CNTNAP5: variants seen among roughly 807,000 people sequenced by gnomAD.
The protein encoded by CNTNAP5 is contactin-associated protein-like 5.
In CNTNAP5, 72 loss-of-function variants were observed where a neutral mutation model predicts 150.2. The observed-to-expected ratio is 0.48, with a 90% confidence interval of 0.40 to 0.58. The LOEUF (loss-of-function observed/expected upper bound fraction) is 0.58, where lower values mean the gene tolerates loss of function less well. Among genes scored for constraint, CNTNAP5 ranks in the 20% least tolerant of loss-of-function variants. CNTNAP5 has a pLI of 0.00. For synonymous variants in CNTNAP5, 672 were observed against 619.8 expected (o/e 1.08, Z -1.25); for missense variants, 1,636 against 1,626.2 (o/e 1.01, Z -0.10).
intron 1 of CNTNAP5, among the ~76,000 whole-genome samples, chr2:124,116,838 C>A (rs1683441478): frequency 6.6e-6 from 1 of 152,184 alleles, no homozygotes; most frequent in Non-Finnish European, 1.5e-5. Flanking sequence ...TTCAGAGTGG[C>A]ATGCATTTCA....
chr2:124,728,892 A>G (rs1370688842), intron 13 of CNTNAP5, among the ~76,000 whole-genome samples: 1 of 152,108 alleles, frequency 6.6e-6, no homozygotes, highest in Admixed American at 6.6e-5. Flanking sequence ...TATATAAGCT[A>G]GACTATTTTC....
At chr2:124,677,198 GC>G (rs1214657809) in intron 13 of CNTNAP5, among the ~76,000 whole-genome samples, 1 of 152,156 alleles carries the variant, frequency 6.6e-6, no homozygotes. Context: ...GAGTGAAGCT[GC>G]AGACCTTCAC....
At chr2:124,421,126 C>G (rs1057207969) in intron 4 of CNTNAP5, among the ~76,000 whole-genome samples, 1 of 152,186 alleles carries the variant, frequency 6.6e-6, no homozygotes, top group Admixed American at 6.5e-5. Flanking sequence ...ACTTTTCCAT[C>G]TACACTGCAT....
chr2:124,354,859 C>T (rs537893954), intron 3 of CNTNAP5, among the ~76,000 whole-genome samples: 2 of 151,838 alleles, frequency 1.3e-5, no homozygotes, highest in African/African-American at 4.8e-5. Context: ...GTAGAGTTTT[C>T]GTCAATAATT....
chr2:124,639,769 T>A (rs1170270059), intron 12 of CNTNAP5, among the ~76,000 whole-genome samples: 1 of 152,192 alleles, frequency 6.6e-6, no homozygotes, highest in Non-Finnish European at 1.5e-5. Context: ...ATGATACTCC[T>A]AATGACCTCA....
chr2:124,689,899 T>C (rs188655560), intron 13 of CNTNAP5, among the ~76,000 whole-genome samples: 28 of 152,208 alleles, frequency 1.8e-4, no homozygotes, highest in Admixed American at 1.7e-3. Flanking sequence ...TGAGTCTTTA[T>C]ACTTTTGTAG....
intron 3 of CNTNAP5, among the ~76,000 whole-genome samples, chr2:124,363,292 C>G (rs901147488): frequency 2.0e-5 from 3 of 152,094 alleles, no homozygotes; most frequent in Admixed American, 6.5e-5. Flanking sequence ...GGACCAGATT[C>G]TTTTCCCTGA....
In CNTNAP5 at chr2:124,566,119, C is replaced by T. The variant is rs1372733335; in HGVS notation, c.1756+2796C>T. ...ACCAAATAGCCAAGAACACCATATA[C>T]CTATAGAGAAATGTTGCAGGACCCC... On this transcript the variant is annotated intron_variant, in intron 11 of 23. Transcript: ENST00000682447. 3.4e-5 allele frequency among the ~76,000 whole-genome samples: 5 copies of T among 146,528 alleles called. No individual in the cohort carries two copies. The Admixed American group carries it at 3.4e-4, about 10-fold the overall frequency.
chr2:124,189,923 G>T (rs923568190), intron 1 of CNTNAP5, among the ~76,000 whole-genome samples: 2 of 152,196 alleles, frequency 1.3e-5, no homozygotes, highest in Admixed American at 1.3e-4. Flanking sequence ...GCCTTCATAT[G>T]CCTGGCCTTT....
intron 3 of CNTNAP5, among the ~76,000 whole-genome samples, chr2:124,399,227 C>A (rs1297404749): frequency 6.6e-6 from 1 of 152,030 alleles, no homozygotes; most frequent in African/African-American, 2.4e-5. Flanking sequence ...AGAAAAGGAA[C>A]AGAGGAGTGA....
chr2:124,529,917 G>T (rs368475457), intron 10 of CNTNAP5, among the ~76,000 whole-genome samples: 1 of 152,048 alleles, frequency 6.6e-6, no homozygotes, highest in African/African-American at 2.4e-5. Flanking sequence ...GTGGGATCCC[G>T]CCCTGCCAGC....
At chr2:124,249,725 G>A (rs1275526905) in intron 3 of CNTNAP5, among the ~76,000 whole-genome samples, 1 of 152,168 alleles carries the variant, frequency 6.6e-6, no homozygotes, top group Non-Finnish European at 1.5e-5. Flanking sequence ...GGAGGGCTGT[G>A]TCATTGGCCA....
chr2:124,082,723 G>C (rs1247845424), intron 1 of CNTNAP5, among the ~76,000 whole-genome samples: 2 of 152,150 alleles, frequency 1.3e-5, no homozygotes, highest in Non-Finnish European at 2.9e-5. Context: ...TAAATAATCT[G>C]TCAAACTGTA....
intron 1 of CNTNAP5, among the ~76,000 whole-genome samples, chr2:124,213,000 G>A (rs912618257): frequency 7.3e-5 from 11 of 151,712 alleles, no homozygotes; most frequent in African/African-American, 1.5e-4. Context: ...CACCACGCCC[G>A]GCTAATTTTT....
At chr2:124,449,431 G>A (rs562885192) in intron 6 of CNTNAP5, among the ~76,000 whole-genome samples, 86 of 151,940 alleles carry the variant, frequency 5.7e-4, no homozygotes, top group African/African-American at 1.8e-3. Flanking sequence ...TCATTCCCCC[G>A]ACATACTTTC....
At chr2:124,191,950 C>T (rs1685467952) in intron 1 of CNTNAP5, among the ~76,000 whole-genome samples, 1 of 152,024 alleles carries the variant, frequency 6.6e-6, no homozygotes, top group African/African-American at 2.4e-5. Flanking sequence ...AAAACTCTCC[C>T]TAGCAGGCTT....
intron 3 of CNTNAP5, among the ~76,000 whole-genome samples, chr2:124,345,766 T>A (rs1410240489): frequency 6.6e-6 from 1 of 152,192 alleles, no homozygotes; most frequent in Non-Finnish European, 1.5e-5. Flanking sequence ...TCTCATGATC[T>A]CATTTTCTTC....
At position 124,321,584 on chromosome 2, in the gene CNTNAP5, G is replaced by A. The variant is rs561989479; in HGVS notation, c.381+79191G>A. 1.1e-3 allele frequency among the ~76,000 whole-genome samples: 175 copies of A among 152,200 alleles called. 1 individual carries two copies. The highest frequency in any genetic ancestry group is 3.9e-3 in the African/African-American group (160 of 41,520). ...GAAAAATAAATTTCAGCATAAAGGA[G>A]TACCTGCTCATTAGAGTAAATTCAA... On this transcript the variant is annotated intron_variant, in intron 3 of 23. Transcript: ENST00000682447.
At chr2:124,701,162 C>T (rs925108930) in intron 13 of CNTNAP5, among the ~76,000 whole-genome samples, 1 of 152,030 alleles carries the variant, frequency 6.6e-6, no homozygotes, top group African/African-American at 2.4e-5. Context: ...ATTCCCATTT[C>T]CTATGCATTT....
Sources: allele counts gnomAD v4.1 joint callset (sites outside exome capture counted in the v4.1 genomes callset), GRCh38; gene constraint gnomAD v4.1.1; transcripts MANE v1.5; gene names NCBI Gene and HGNC (gene_info 2026-07-23, HGNC 2026-07-21).